The following MATN2 variants were observed in gnomAD, a reference collection of about 807,000 sequenced individuals.
The protein encoded by MATN2 is matrilin 2.
Under a neutral mutation model 103.2 loss-of-function variants are expected in MATN2, and 69 were observed. The ratio of observed to expected loss-of-function variants is 0.67; its 90% confidence interval spans 0.55 to 0.82. The LOEUF (loss-of-function observed/expected upper bound fraction) is 0.82. Among genes scored for constraint, MATN2 ranks in the 40% least tolerant of loss-of-function variants. MATN2 has a pLI of 0.00. For missense variants in MATN2, 1,023 were observed against 1,211.5 expected (o/e 0.84, Z 2.31); for synonymous variants, 429 against 450.2 (o/e 0.95, Z 0.60).
In MATN2 at chr8:97,917,430, C is replaced by G. The variant is rs151193888; in HGVS notation, c.143-13523C>G. On this transcript the variant is annotated intron_variant, in intron 2 of 18. Coordinates refer to ENST00000254898, the MANE Select transcript of MATN2 (RefSeq NM_002380.5). ...TGTCAGAATGAAGGTTGACATTCAG[C>G]CTGTATGTCGAGCATTCTTGAGAGA... Among the ~76,000 whole-genome samples, 577 of 152,294 alleles carry G rather than the reference C, an allele frequency of 3.8e-3. 6 individuals carry two copies. Among genetic ancestry groups the G allele is most frequent in the African/African-American group, 0.013 (549 of 41,552 alleles).
chr8:97,970,294 A>G (rs1459728193), intron 5 of MATN2, among the ~76,000 whole-genome samples: 1 of 152,102 alleles, frequency 6.6e-6, no homozygotes, highest in Non-Finnish European at 1.5e-5. Context: ...CAGTAAATTG[A>G]CATGGTATAC....
At chr8:97,882,623 CT>C (rs1295279002) in intron 1 of MATN2, among the ~76,000 whole-genome samples, 7 of 152,116 alleles carry the variant, frequency 4.6e-5, no homozygotes, top group Non-Finnish European at 8.8e-5. Context: ...GGCTGGTCTC[CT>C]GGGCAGCATG....
At chr8:98,018,158 A>C in intron 12 of MATN2, 42 bp downstream of exon 12, 1 of 1,610,942 alleles carries the variant, frequency 6.2e-7, no homozygotes, top group Non-Finnish European at 8.5e-7. Flanking sequence ...CCCTCTGTGG[A>C]CTCAGACAGT....
chr8:98,004,933 C>T (rs1445097149), intron 8 of MATN2, among the ~76,000 whole-genome samples: 1 of 152,230 alleles, frequency 6.6e-6, no homozygotes, highest in African/African-American at 2.4e-5. Flanking sequence ...GTGATGGACC[C>T]TATGCCCTTG....
At chr8:97,877,426 G>A (rs1478676929) in intron 1 of MATN2, among the ~76,000 whole-genome samples, 1 of 151,718 alleles carries the variant, frequency 6.6e-6, no homozygotes, top group Non-Finnish European at 1.5e-5. Context: ...GCAGTGAGTC[G>A]AGATCGCGCC....
intron 10 of MATN2, among the ~76,000 whole-genome samples, chr8:98,011,960 C>G (rs183549256): frequency 6.6e-6 from 1 of 152,164 alleles, no homozygotes; most frequent in Non-Finnish European, 1.5e-5. Flanking sequence ...AATCCATTCA[C>G]GATGAGGGTT....
At chr8:97,890,393 A>T (rs1818587629) in intron 2 of MATN2, among the ~76,000 whole-genome samples, 1 of 151,830 alleles carries the variant, frequency 6.6e-6, no homozygotes, top group Non-Finnish European at 1.5e-5. Flanking sequence ...TGAACCCAGG[A>T]AGTGGAGGTT....
At chr8:98,022,386 C>A (rs1043191747) in intron 13 of MATN2, among the ~76,000 whole-genome samples, 2 of 152,070 alleles carry the variant, frequency 1.3e-5, no homozygotes, top group Admixed American at 1.3e-4. Context: ...CACATACACA[C>A]ACCCTTTTTC....
chr8:97,953,063 C>CA (rs1440324011), intron 4 of MATN2, among the ~76,000 whole-genome samples: 1 of 151,810 alleles, frequency 6.6e-6, no homozygotes. Context: ...GCTGGGACTA[C>CA]AGGTGTGTGC....
intron 4 of MATN2, among the ~76,000 whole-genome samples, chr8:97,959,415 C>T (rs147086734): frequency 0.02 from 2,972 of 151,790 alleles, 100 homozygotes; most frequent in African/African-American, 0.066. Flanking sequence ...TATATCTGGC[C>T]TAGCTCATTT....
chr8:97,880,767 A>G (rs906052403), intron 1 of MATN2, among the ~76,000 whole-genome samples: 2 of 152,170 alleles, frequency 1.3e-5, no homozygotes, highest in Non-Finnish European at 2.9e-5. Flanking sequence ...AAATCCTGCT[A>G]CAATGGGATT....
intron 5 of MATN2, among the ~76,000 whole-genome samples, chr8:97,975,572 AT>A (rs1435040235): frequency 6.6e-6 from 1 of 152,208 alleles, no homozygotes; most frequent in Non-Finnish European, 1.5e-5. Context: ...CTGACCACTC[AT>A]TGTTGCAGCA....
At chr8:97,944,889 G>A (rs543646803) in intron 4 of MATN2, among the ~76,000 whole-genome samples, 2 of 152,322 alleles carry the variant, frequency 1.3e-5, no homozygotes, top group South Asian at 4.1e-4. Flanking sequence ...TCTCCCAGAT[G>A]AAAAGCCATG....
At chr8:97,939,103 C>T (rs2130173657) in intron 3 of MATN2, among the ~76,000 whole-genome samples, 1 of 146,172 alleles carries the variant, frequency 6.8e-6, no homozygotes. Flanking sequence ...TCTTAAACTC[C>T]TGACCTCAAC....
At chr8:97,997,105 C>G (rs1812611228) in intron 7 of MATN2, among the ~76,000 whole-genome samples, 1 of 152,218 alleles carries the variant, frequency 6.6e-6, no homozygotes, top group Non-Finnish European at 1.5e-5. Context: ...GTGCAAAGCA[C>G]AGAAACTGCG....
At chr8:98,003,056 C>T (rs531926270) in intron 7 of MATN2, among the ~76,000 whole-genome samples, 47 of 152,180 alleles carry the variant, frequency 3.1e-4, no homozygotes, top group Non-Finnish European at 2.4e-4. Flanking sequence ...GCATGCCCCT[C>T]GCCCTCATCC....
chr8:97,946,041 GTTATTTCC>G (rs1810743366), intron 4 of MATN2, among the ~76,000 whole-genome samples: 1 of 152,054 alleles, frequency 6.6e-6, no homozygotes, highest in Admixed American at 6.6e-5. Flanking sequence ...ATACCAAAAA[GTTATTTCC>G]TTATCCAAAT....
intron 4 of MATN2, among the ~76,000 whole-genome samples, chr8:97,958,973 C>T (rs552280786): frequency 1.2e-4 from 18 of 152,294 alleles, no homozygotes; most frequent in East Asian, 7.7e-4. Flanking sequence ...TGTTTACTCA[C>T]GCGTCCCAAG....
At chr8:97,948,993 C>G (rs1233954658) in intron 4 of MATN2, among the ~76,000 whole-genome samples, 12 of 152,148 alleles carry the variant, frequency 7.9e-5, no homozygotes, top group Non-Finnish European at 1.5e-5. Context: ...ATAAGGAATT[C>G]TTAGCTCAGT....
Sources: allele counts gnomAD v4.1 joint callset (sites outside exome capture counted in the v4.1 genomes callset), GRCh38; gene constraint gnomAD v4.1.1; transcripts MANE v1.5; gene names NCBI Gene and HGNC (gene_info 2026-07-23, HGNC 2026-07-21).